Variants in CRTAC1 observed in about 807,000 individuals in gnomAD.
CRTAC1 encodes cartilage acidic protein 1, also known as acidic secreted protein in cartilage.
In CRTAC1, 37 loss-of-function variants were observed where a neutral mutation model predicts 67.8. The ratio of observed to expected loss-of-function variants is 0.55; its 90% CI spans 0.42 to 0.72. The LOEUF (loss-of-function observed/expected upper bound fraction) is 0.72. CRTAC1 is among the 30% of genes least tolerant of loss of function. The pLI, the probability that CRTAC1 is intolerant of heterozygous loss-of-function variation, is 0.00. For missense variants in CRTAC1, 780 were observed against 931.6 expected (o/e 0.84, Z 2.12); for synonymous variants, 348 against 371.0 (o/e 0.94, Z 0.71).
intron 14 of CRTAC1, chr10:97,867,634 G>A (rs2050044082): frequency 6.6e-6 from 1 of 152,266 alleles, no homozygotes; most frequent in Admixed American, 6.5e-5. Flanking sequence ...GGGCCCCTGT[G>A]GGGCTGGGCA....
At chr10:97,894,237 G>C (rs900788009) in intron 11 of CRTAC1, among the ~76,000 whole-genome samples, 1 of 152,168 alleles carries the variant, frequency 6.6e-6, no homozygotes, top group Admixed American at 6.5e-5. Context: ...TGATGTAGGA[G>C]AGATCCAGTT....
chr10:97,869,949 C>T (rs1326158443), intron 14 of CRTAC1: 2 of 152,268 alleles, frequency 1.3e-5, no homozygotes, highest in East Asian at 3.9e-4. Context: ...GCAAGGCAAA[C>T]ACCACTCCAC....
intron 14 of CRTAC1, among the ~76,000 whole-genome samples, chr10:97,872,124 A>G (rs1270185274): frequency 1.4e-5 from 1 of 69,386 alleles, no homozygotes; most frequent in Non-Finnish European, 3.1e-5. Context: ...CCCCACCCCC[A>G]CCTCCCCCTA....
At chr10:97,991,018 C>T (rs1842440089) in intron 2 of CRTAC1, among the ~76,000 whole-genome samples, 1 of 144,946 alleles carries the variant, frequency 6.9e-6, no homozygotes, top group Non-Finnish European at 1.5e-5. Context: ...AATCCCAGCA[C>T]CTTGGGAGAC....
intron 2 of CRTAC1, among the ~76,000 whole-genome samples, chr10:97,976,575 C>T (rs1405772965): frequency 6.6e-6 from 1 of 152,238 alleles, no homozygotes; most frequent in East Asian, 1.9e-4. Flanking sequence ...GACCTTACTA[C>T]ATCGCAGCAA....
At position 98,030,380 on chromosome 10, in the gene CRTAC1, C is replaced by T. The variant is rs1843347289; in HGVS notation, c.24+69G>A. 2 of 1,018,626 alleles carry T rather than the reference C, an allele frequency of 2.0e-6. No individual in the cohort carries two copies. Among genetic ancestry groups the T allele is most frequent in the East Asian group, 3.3e-5 (1 of 30,566 alleles). 63.1% of individuals were successfully genotyped at this position (1,018,626 alleles called of 1,614,324 possible). On this transcript the variant is annotated intron_variant, in intron 1 of 14. Transcript: ENST00000370597. The surrounding 1 kb of genome is among the most constrained non-coding windows in gnomAD (Gnocchi z 4.2). ...TCCCCGCCACCCTTGCGGGCGGATC[C>T]GGGGGGGCGCGCAGAGCTGGAGAAA...
intron 2 of CRTAC1, among the ~76,000 whole-genome samples, chr10:98,008,722 A>G (rs527249371): frequency 2.0e-5 from 3 of 152,258 alleles, no homozygotes; most frequent in Non-Finnish European, 4.4e-5. Context: ...TTTTTTCCAC[A>G]TTAACCTGAG....
rs1308929841 is a variant in CRTAC1 at position 97,991,122 on chromosome 10, AAAAAAG to A, written c.224+20010_224+20015del. ...TACAAAAAAAAAAAAAAAAAAAAAA[AAAAAAG>A]ATTATCTCAGTGTTGTGGCATGCAC... On this transcript the variant is annotated intron_variant, in intron 2 of 14. Transcript: ENST00000370597. Among the ~76,000 whole-genome samples, 14 of 136,576 alleles carry A rather than the reference AAAAAAG, an allele frequency of 1.0e-4. 1 individual carries two copies. The highest frequency in any genetic ancestry group is 1.4e-4 in the Admixed American group (2 of 14,258). The allele number at this position is 136,576 out of a possible 152,430, so 89.6% of individuals were successfully genotyped here.
At chr10:97,934,650 A>G (rs752173321) in intron 3 of CRTAC1, among the ~76,000 whole-genome samples, 5 of 152,064 alleles carry the variant, frequency 3.3e-5, no homozygotes, top group Non-Finnish European at 7.4e-5. Flanking sequence ...AGCGGAGCAC[A>G]AGGAAGGTGG....
At chr10:97,984,068 G>C (rs1375068031) in intron 2 of CRTAC1, among the ~76,000 whole-genome samples, 1 of 152,180 alleles carries the variant, frequency 6.6e-6, no homozygotes, top group Non-Finnish European at 1.5e-5. Context: ...TCTTGCTTAA[G>C]AGGAAGAGAC....
In CRTAC1 at chr10:97,907,052, C is replaced by CA. The variant is rs367937844; in HGVS notation, c.850+960_850+961insT. Among the ~76,000 whole-genome samples, 841 of 152,260 alleles carry CA rather than the reference C, an allele frequency of 5.5e-3. 7 individuals are homozygous for CA. Among genetic ancestry groups the CA allele is most frequent in the African/African-American group, 0.018 (762 of 41,534 alleles). ...AGGTCGGGGGAAATGGTCAGGGGTG[C>CA]CTGGGATGCAATCATACATCCGAAA... On this transcript the variant is annotated intron_variant, in intron 6 of 14. Coordinates refer to ENST00000370597, the MANE Select transcript of CRTAC1 (RefSeq NM_018058.7).
chr10:97,987,996 T>C (rs1334146517), intron 2 of CRTAC1, among the ~76,000 whole-genome samples: 1 of 152,196 alleles, frequency 6.6e-6, no homozygotes, highest in Non-Finnish European at 1.5e-5. Flanking sequence ...TGGGAAGATA[T>C]ATGCCAGGAT....
rs112087302 is a variant in CRTAC1, at chr10:97,912,606, G to C, written c.716-4459C>G. Among the ~76,000 whole-genome samples the C allele has an allele frequency of 3.4e-3, 525 of 152,312 alleles. 7 individuals carry two copies. Among genetic ancestry groups the C allele is most frequent in the African/African-American group, 0.012 (510 of 41,572 alleles). On this transcript the variant is annotated intron_variant, in intron 5 of 14. Transcript: ENST00000370597. ...TGGGCCAGCCCTCAGGGACTGGGGGGTGAGACAGGGAAAGATGGTGGGGAG... is the reference window on the plus strand; with the variant it reads ...TGGGCCAGCCCTCAGGGACTGGGGGCTGAGACAGGGAAAGATGGTGGGGAG...
chr10:97,963,371 A>C (rs1315195573), intron 2 of CRTAC1, among the ~76,000 whole-genome samples: 13 of 152,224 alleles, frequency 8.5e-5, no homozygotes, highest in African/African-American at 2.9e-4. Flanking sequence ...CTAGAGTCAG[A>C]AACTCTGAGG....
intron 1 of CRTAC1, among the ~76,000 whole-genome samples, chr10:98,018,343 G>A (rs1406311054): frequency 6.6e-6 from 1 of 151,178 alleles, no homozygotes; most frequent in African/African-American, 2.4e-5. Context: ...GTTGGTCTTT[G>A]GTGTCCTCAT....
At chr10:97,940,975 T>C (rs1431085656) in intron 2 of CRTAC1, among the ~76,000 whole-genome samples, 1 of 152,166 alleles carries the variant, frequency 6.6e-6, no homozygotes, top group Admixed American at 6.5e-5. Context: ...TAGCTCATCC[T>C]CTGCAGGTAT....
At chr10:97,938,846 G>A (rs892516169) in intron 2 of CRTAC1, among the ~76,000 whole-genome samples, 1 of 152,174 alleles carries the variant, frequency 6.6e-6, no homozygotes. Flanking sequence ...CAAAATCTGA[G>A]GGTCATGAAA....
Position 97,895,986 on chromosome 10 carries a change from C to T in CRTAC1, c.1217-1G>A. 6.2e-7 allele frequency: 1 copy of T among 1,613,648 alleles called. No homozygotes were observed. The highest frequency in any genetic ancestry group is 8.5e-7 in the Non-Finnish European group (1 of 1,179,550). On this transcript the variant is annotated splice_acceptor_variant, in intron 9 of 14. Coordinates refer to ENST00000370597, the MANE Select transcript of CRTAC1 (RefSeq NM_018058.7). LOFTEE classifies it high-confidence loss of function. This position sits in a 1 kb window ranked among gnomAD's most constrained non-coding sequence, Gnocchi z 4.2. Reference sequence around the variant, plus strand: ...CCGTCGAAGTCGGTCACCACACCCCCTACAAACAATGCAGATTTCACCTCT... The same window carrying T: ...CCGTCGAAGTCGGTCACCACACCCCTTACAAACAATGCAGATTTCACCTCT...
At chr10:97,970,438 A>T (rs1011234204) in intron 2 of CRTAC1, among the ~76,000 whole-genome samples, 1 of 152,194 alleles carries the variant, frequency 6.6e-6, no homozygotes, top group Non-Finnish European at 1.5e-5. Context: ...AGACTGAGCA[A>T]CCTGTCCTCA....
Sources: allele counts gnomAD v4.1 joint callset (sites outside exome capture counted in the v4.1 genomes callset), GRCh38; gene constraint gnomAD v4.1.1; non-coding constraint Gnocchi (gnomAD v3.1); transcripts MANE v1.5; gene names NCBI Gene and HGNC (gene_info 2026-07-23, HGNC 2026-07-21).